The following ATF7 variants were observed in gnomAD, a reference collection of about 807,000 sequenced individuals.
The protein encoded by ATF7 is cyclic AMP-dependent transcription factor ATF-7.
Under a neutral mutation model 50.4 loss-of-function variants are expected in ATF7, and 10 were observed. The observed-to-expected ratio is 0.20, with a 90% CI of 0.12 to 0.34. The LOEUF is 0.34. ATF7 is among the 10% of genes least tolerant of loss of function. The pLI, the probability that ATF7 is intolerant of heterozygous loss-of-function variation, is 1.00. For synonymous variants in ATF7, 201 were observed against 226.4 expected, an observed-to-expected ratio of 0.89 and a Z score of 1.01; for missense variants, 465 against 613.9, an observed-to-expected ratio of 0.76 and a Z score of 2.56.
At chr12:53,619,539 C>T (rs1944291064) in intron 1 of ATF7, among the ~76,000 whole-genome samples, 1 of 148,388 alleles carries the variant, frequency 6.7e-6, no homozygotes, top group Non-Finnish European at 1.5e-5. Context: ...ACAAGCTGGG[C>T]ATGGGGGCCC....
chr12:53,528,695 G>A (rs1222181417), intron 9 of ATF7, among the ~76,000 whole-genome samples: 1 of 152,012 alleles, frequency 6.6e-6, no homozygotes, highest in Non-Finnish European at 1.5e-5. Context: ...CCAGGGAGGC[G>A]GAGGTTGCAG....
At chr12:53,534,176 C>G (rs1327701938) in intron 6 of ATF7, among the ~76,000 whole-genome samples, 1 of 152,050 alleles carries the variant, frequency 6.6e-6, no homozygotes, top group Non-Finnish European at 1.5e-5. Context: ...ACTCGGGAGG[C>G]TGAGGCAGGA....
chr12:53,587,825 A>ATG (rs1942764988), intron 2 of ATF7, among the ~76,000 whole-genome samples: 1 of 34,688 alleles, frequency 2.9e-5, no homozygotes, highest in Admixed American at 4.5e-4. Context: ...TTCTACATAT[A>ATG]TATATATATA....
rs372914573 is a variant in ATF7 at position 53,542,253 on chromosome 12, G to A, written c.264+1077C>T. ...ATCCTGGCTAACACGGTGAAACCCCGTCTCTACTAAACATAAAAAAAAAAT... is the reference window on the plus strand; with the variant it reads ...ATCCTGGCTAACACGGTGAAACCCCATCTCTACTAAACATAAAAAAAAAAT... On this transcript the variant is annotated intron_variant, in intron 4 of 11. Coordinates refer to ENST00000420353, the MANE Select transcript of ATF7 (RefSeq NM_006856.3). 1.6e-4 allele frequency among the ~76,000 whole-genome samples: 24 copies of A among 151,294 alleles called. No individual in the cohort carries two copies. In the East Asian group the frequency reaches 4.0e-3, roughly 25 times the overall value.
chr12:53,568,180 G>A (rs1177367739), intron 2 of ATF7, among the ~76,000 whole-genome samples: 1 of 152,182 alleles, frequency 6.6e-6, no homozygotes, highest in African/African-American at 2.4e-5. Context: ...AATGCATTCA[G>A]AGTAGAGCAC....
chr12:53,583,346 C>T (rs1438598044), intron 2 of ATF7, among the ~76,000 whole-genome samples: 1 of 151,734 alleles, frequency 6.6e-6, no homozygotes, highest in Non-Finnish European at 1.5e-5. Context: ...AGGTTGTATG[C>T]CCCTTATGAG....
chr12:53,620,392 C>T (rs1309791442), intron 1 of ATF7, among the ~76,000 whole-genome samples: 14 of 151,056 alleles, frequency 9.3e-5, no homozygotes, highest in Non-Finnish European at 1.3e-4. Flanking sequence ...CTGGCTAAAA[C>T]GGTGAAACCC....
chr12:53,565,105 T>C (rs184107172), intron 2 of ATF7, among the ~76,000 whole-genome samples: 20 of 152,210 alleles, frequency 1.3e-4, no homozygotes, highest in African/African-American at 4.3e-4. Flanking sequence ...CCTTGTTCCT[T>C]CCTCCTGACA....
intron 2 of ATF7, among the ~76,000 whole-genome samples, chr12:53,582,438 C>T (rs374972312): frequency 2.7e-4 from 41 of 151,820 alleles, no homozygotes; most frequent in African/African-American, 9.9e-4. Flanking sequence ...GAGTTTGAGA[C>T]CAGCCTGGGG....
intron 5 of ATF7, 77 bp from the exon 6 acceptor site, chr12:53,534,736 G>C: frequency 6.8e-7 from 1 of 1,474,126 alleles, no homozygotes; most frequent in Non-Finnish European, 9.2e-7. Context: ...GTAAAATCTA[G>C]TACAAATTTA....
Position 53,533,227 on chromosome 12 carries a change from T to C in ATF7, c.593A>G (p.His198Arg), listed in dbSNP as rs867384786. 5.0e-6 allele frequency: 8 copies of C among 1,613,860 alleles called. No homozygotes were observed. In the Middle Eastern group the frequency reaches 5.0e-4, roughly 100 times the overall value. The change falls in exon 7 of 12, where the codon CAT becomes CGT. Residue 198 changes from histidine (H) to arginine (R), a missense_variant. His to Arg is a conservative substitution (Grantham distance 29). Coordinates refer to ENST00000420353, the MANE Select transcript of ATF7 (RefSeq NM_006856.3). Reference protein sequence around the residue: ...SPTGSLPLVMHLANGQTMPVL... With the variant: ...SPTGSLPLVMRLANGQTMPVL... ...AGGCATGGTCTGTCCATTAGCAAGA[T>C]GCATGACAAGAGGGAGGGAGCCAGT... is the stretch of plus-strand genomic sequence containing the variant.
intron 2 of ATF7, among the ~76,000 whole-genome samples, chr12:53,590,093 C>A (rs907871085): frequency 1.3e-5 from 2 of 151,894 alleles, no homozygotes; most frequent in African/African-American, 4.8e-5. Context: ...AAATAAAATG[C>A]AAAAGTAAAT....
At chr12:53,520,347 C>T (rs1016227508) in intron 11 of ATF7, among the ~76,000 whole-genome samples, 1 of 152,082 alleles carries the variant, frequency 6.6e-6, no homozygotes, top group Non-Finnish European at 1.5e-5. Context: ...GAGGCCAAGG[C>T]GGGCAGATCC....
At chr12:53,600,902 C>A in intron 2 of ATF7, 51 bp downstream of exon 2, 1 of 1,578,280 alleles carries the variant, frequency 6.3e-7, no homozygotes, top group African/African-American at 1.3e-5. Context: ...GATAAAACAG[C>A]CACTTTGATT....
chr12:53,545,627 C>T (rs1010016533), intron 3 of ATF7, among the ~76,000 whole-genome samples: 7 of 152,150 alleles, frequency 4.6e-5, no homozygotes, highest in South Asian at 2.1e-4. Flanking sequence ...TGAGCCACCG[C>T]GCCTAGCCAA....
intron 1 of ATF7, among the ~76,000 whole-genome samples, chr12:53,622,727 C>T (rs182235768): frequency 3.8e-4 from 58 of 152,022 alleles, no homozygotes; most frequent in Admixed American, 9.8e-4. Context: ...AATCCCAGCA[C>T]TTTGAGAGAC....
rs1457223797 is a variant in ATF7, at chr12:53,513,540, A to C, written c.*3597T>G. The C allele has an allele frequency of 1.3e-5, 2 of 152,196 alleles. No individual in the cohort carries two copies. Among genetic ancestry groups the C allele is most frequent in the Admixed American group, 1.3e-4 (2 of 15,282 alleles). The allele number at this position is 152,196 out of a possible 1,614,324, so 9.4% of individuals were successfully genotyped here. A position where few individuals can be genotyped will look rare whatever the true frequency, so the allele number is the denominator to read the frequency against. ...AGCAGAAAGAGCATATCAACAAGGC[A>C]TATGTGATATAGCTAGGAAGACTGG... is the stretch of plus-strand genomic sequence containing the variant. On this transcript the variant is annotated 3_prime_UTR_variant, in exon 12 of 12. Coordinates refer to ENST00000420353, the MANE Select transcript of ATF7 (RefSeq NM_006856.3).
At chr12:53,554,046 G>A (rs1346182364) in intron 2 of ATF7, among the ~76,000 whole-genome samples, 2 of 152,196 alleles carry the variant, frequency 1.3e-5, no homozygotes, top group African/African-American at 2.4e-5. Context: ...AGGCTGAGGT[G>A]GACAGATTGC....
At chr12:53,532,009 A>G in intron 8 of ATF7, 113 bp from the exon 9 acceptor site, 2 of 1,221,204 alleles carry the variant, frequency 1.6e-6, no homozygotes, top group Non-Finnish European at 1.1e-6. Context: ...TTTCCACTCT[A>G]GTTCTCCCTT....
Sources: gnomAD v4.1 joint callset for allele counts (sites outside exome capture counted in the v4.1 genomes callset) on GRCh38, gnomAD v4.1.1 for gene constraint, MANE v1.5 for transcripts, NCBI Gene and HGNC (gene_info 2026-07-23, HGNC 2026-07-21) for gene names.